The following EXPH5 variants were observed in gnomAD, a reference collection of about 807,000 sequenced individuals.
EXPH5 encodes exophilin 5.
In EXPH5, 42 loss-of-function variants were observed where a neutral mutation model predicts 41.1. The observed-to-expected ratio is 1.02, with a 90% CI of 0.80 to 1.32. EXPH5 has a LOEUF of 1.32. Ranked by LOEUF, EXPH5 falls within the 40% of genes most tolerant of loss-of-function variation. The probability of loss-of-function intolerance (pLI) is 0.00; values close to 1 mark genes in which losing one functional copy is unlikely to be tolerated. For synonymous variants in EXPH5, 798 were observed against 833.5 expected, an observed-to-expected ratio of 0.96 and a Z score of 0.73; for missense variants, 2,298 against 2,314.5, an observed-to-expected ratio of 0.99 and a Z score of 0.15.
intron 4 of EXPH5, among the ~76,000 whole-genome samples, chr11:108,526,934 AT>A (rs1310057681): frequency 6.6e-6 from 1 of 152,114 alleles, no homozygotes; most frequent in Non-Finnish European, 1.5e-5. Context: ...GAGTGTAGCA[AT>A]TTTTAGTGCT....
rs532793308 is a variant in EXPH5 at position 108,574,309 on chromosome 11, T to C, written c.119+19109A>G. ...CGGGAGATCACTTGAGTCTAGGAGT[T>C]AGAGGTTACAATGAACTGTCATTAC... On this transcript the variant is annotated intron_variant, in intron 1 of 5. Transcript: ENST00000265843. Among the ~76,000 whole-genome samples the C allele has an allele frequency of 4.4e-4, 67 of 151,464 alleles. 1 individual carries two copies. Among genetic ancestry groups the C allele is most frequent in the Non-Finnish European group, 8.1e-4 (55 of 67,932 alleles).
In EXPH5 at chr11:108,510,690, G is replaced by A; in HGVS notation, c.4817C>T (p.Pro1606Leu). The change falls in exon 6 of 6, where the codon CCA becomes CTA. Residue 1606 changes from proline (P) to leucine (L), a missense_variant. Transcript: ENST00000265843. ...TCTTCTGGGGCTTACATCTTTAGCT[G>A]GGAATTTTCTGCTGGCTTTAGACAT... ...AAMSKASRKF[P>L]AKDVSPRRHV... 6.2e-7 allele frequency: 1 copy of A among 1,614,152 alleles called. No homozygotes were observed. Among genetic ancestry groups the A allele is most frequent in the Non-Finnish European group, 8.5e-7 (1 of 1,180,026 alleles).
At chr11:108,530,116 T>C (rs2093827652) in intron 3 of EXPH5, among the ~76,000 whole-genome samples, 1 of 152,260 alleles carries the variant, frequency 6.6e-6, no homozygotes, top group African/African-American at 2.4e-5. Flanking sequence ...GCTCAGATTT[T>C]AGCAGAAATT....
chr11:108,507,538 T>C lies in EXPH5; in HGVS notation c.*1999A>G, dbSNP rs1265788045. On this transcript the variant is annotated 3_prime_UTR_variant, in exon 6 of 6. Transcript: ENST00000265843. The stretch of plus-strand genomic sequence containing the variant: ...TGCTGTCTGTAGTTAAAGCAGATTA[T>C]CTTCACTGCCATCTATTGGTCTTTA... 6.6e-6 allele frequency: 1 copy of C among 152,202 alleles called. No homozygotes were observed. Among genetic ancestry groups the C allele is most frequent in the Admixed American group, 6.5e-5 (1 of 15,278 alleles). The allele number at this position is 152,202 out of a possible 1,614,324, so 9.4% of individuals were successfully genotyped here.
chr11:108,565,705 C>T (rs1373895175), intron 1 of EXPH5, among the ~76,000 whole-genome samples: 1 of 152,134 alleles, frequency 6.6e-6, no homozygotes, highest in Admixed American at 6.6e-5. Flanking sequence ...ATTATTTGGG[C>T]TGATCAAATG....
At chr11:108,590,104 G>A (rs532780450) in intron 1 of EXPH5, among the ~76,000 whole-genome samples, 73 of 152,304 alleles carry the variant, frequency 4.8e-4, no homozygotes, top group Non-Finnish European at 5.7e-4. Context: ...TGGGTCAAGC[G>A]TAAGGCGTAT....
chr11:108,539,113 C>T lies in EXPH5; in HGVS notation c.354G>A (p.Arg118=), dbSNP rs142368065. 1.9e-6 allele frequency: 3 copies of T among 1,611,654 alleles called. No individual in the cohort carries two copies. The highest frequency in any genetic ancestry group is 1.3e-5 in the African/African-American group (1 of 74,840). The change falls in exon 3 of 6, where the codon CGG becomes CGA. Residue 118 remains arginine, a synonymous_variant. Transcript: ENST00000265843. ...AAGCAAATGACGATCTGAAGCTCAT[C>T]CGGGAAGAAAAAGGTGTCGGCTTTT... is the stretch of plus-strand genomic sequence containing the variant. ...NQKKPTPFSS[R]MSFRSSFASL...
At chr11:108,606,688 C>A in the EXPH5 span, among the ~76,000 whole-genome samples, 2 of 152,108 alleles carry the variant, frequency 1.3e-5, no homozygotes, top group African/African-American at 4.8e-5. Flanking sequence ...TTATGATTCA[C>A]CCCTGCCTGA....
At chr11:108,600,121 G>A in the EXPH5 span, among the ~76,000 whole-genome samples, 1,163 of 152,276 alleles carry the variant, frequency 7.6e-3, 19 homozygotes, top group African/African-American at 0.025. Context: ...CGTACAGAGA[G>A]TGGAAGAAAA....
intron 1 of EXPH5, among the ~76,000 whole-genome samples, chr11:108,579,961 T>C (rs1167292586): frequency 6.6e-6 from 1 of 152,130 alleles, no homozygotes; most frequent in Non-Finnish European, 1.5e-5. Context: ...GGAGAAAATA[T>C]AGAGGAAATA....
chr11:108,508,781 GT>G lies in EXPH5; in HGVS notation c.*755del, dbSNP rs749409645. ...CTAAAAGCCCTTAATAATCCAGCCA[GT>G]CCCCCACGGTTTCAGAGGAATTTCT... On this transcript the variant is annotated 3_prime_UTR_variant, in exon 6 of 6. Coordinates refer to ENST00000265843, the MANE Select transcript of EXPH5 (RefSeq NM_015065.3). 8 of 152,324 alleles carry G rather than the reference GT, an allele frequency of 5.3e-5. No homozygotes were observed. Among genetic ancestry groups the G allele is most frequent in the Middle Eastern group, 3.4e-3 (1 of 296 alleles). The allele number at this position is 152,324 out of a possible 1,614,324, so 9.4% of individuals were successfully genotyped here.
At chr11:108,601,488 T>C in the EXPH5 span, among the ~76,000 whole-genome samples, 1 of 152,208 alleles carries the variant, frequency 6.6e-6, no homozygotes, top group Non-Finnish European at 1.5e-5. Context: ...CAACAATTTA[T>C]ATAATAACAG....
upstream of EXPH5, among the ~76,000 whole-genome samples, chr11:108,596,797 T>C (rs539587561): frequency 1.3e-5 from 2 of 152,324 alleles, no homozygotes; most frequent in South Asian, 2.1e-4. Context: ...AATTTTTATA[T>C]TGAGAAATTT....
intron 1 of EXPH5, chr11:108,567,809 C>G (rs1448161187): frequency 6.6e-6 from 1 of 152,150 alleles, no homozygotes; most frequent in East Asian, 1.9e-4. Flanking sequence ...TTATTCTCAG[C>G]CTTGCTGTTT....
intron 1 of EXPH5, among the ~76,000 whole-genome samples, chr11:108,590,023 A>G (rs1335272719): frequency 6.6e-6 from 1 of 152,234 alleles, no homozygotes; most frequent in Non-Finnish European, 1.5e-5. Flanking sequence ...GCAGCACTTA[A>G]TATATGTTGG....
intron 4 of EXPH5, among the ~76,000 whole-genome samples, chr11:108,523,587 T>C (rs952401129): frequency 6.6e-6 from 1 of 152,136 alleles, no homozygotes; most frequent in African/African-American, 2.4e-5. Flanking sequence ...ACTAACTATA[T>C]AAGGCTGTGT....
Position 108,541,714 on chromosome 11 carries a change from T to A in EXPH5, c.218A>T (p.Asp73Val). Residue 73 changes from aspartate (D) to valine (V), a missense_variant, in exon 2 of 6, where the codon GAT becomes GTT. By Grantham distance (152) the Asp-to-Val change is radical. Coordinates refer to ENST00000265843, the MANE Select transcript of EXPH5 (RefSeq NM_015065.3). ...IQRKKFCNET[D>V]VSQMLKQPLT... Reference sequence around the variant, plus strand: ...TGGTTGTTTTAACATTTGGCTAACATCTGTTTCATTGCAAAACTTTTTTCT... The same window carrying A: ...TGGTTGTTTTAACATTTGGCTAACAACTGTTTCATTGCAAAACTTTTTTCT... The A allele has an allele frequency of 6.2e-7, 1 of 1,613,272 alleles. No individual in the cohort carries two copies.
the EXPH5 span, among the ~76,000 whole-genome samples, chr11:108,600,551 T>A: frequency 6.6e-6 from 1 of 152,232 alleles, no homozygotes; most frequent in African/African-American, 2.4e-5. Flanking sequence ...TTTGATAATT[T>A]CATTTCTTGT....
At chr11:108,543,505 C>A (rs986346539) in intron 1 of EXPH5, among the ~76,000 whole-genome samples, 2 of 152,150 alleles carry the variant, frequency 1.3e-5, no homozygotes, top group African/African-American at 4.8e-5. Flanking sequence ...TGGGTTCCAA[C>A]CTTGGGAGAT....
Sources: allele counts gnomAD v4.1 joint callset (sites outside exome capture counted in the v4.1 genomes callset), GRCh38; gene constraint gnomAD v4.1.1; transcripts MANE v1.5; gene names NCBI Gene and HGNC (gene_info 2026-07-23, HGNC 2026-07-21).